The following PTPRM variants were observed in gnomAD, a reference collection of about 807,000 sequenced individuals.
PTPRM encodes protein tyrosine phosphatase receptor type M, also known as receptor-type tyrosine-protein phosphatase mu.
PTPRM carries 47 observed loss-of-function variants against 186.7 expected under a neutral mutation model. That is an observed-to-expected ratio of 0.25 (90% CI 0.20 to 0.32). The LOEUF is 0.32. PTPRM is among the 10% of genes least tolerant of loss of function. The probability of loss-of-function intolerance (pLI) is 1.00; values close to 1 mark genes in which losing one functional copy is unlikely to be tolerated. For synonymous variants in PTPRM, 668 were observed against 674.9 expected (o/e 0.99, Z 0.16); for missense variants, 1,494 against 1,865.0 (o/e 0.80, Z 3.66).
At chr18:8,188,535 G>C (rs113935893) in intron 14 of PTPRM, among the ~76,000 whole-genome samples, 4 of 152,142 alleles carry the variant, frequency 2.6e-5, no homozygotes, top group African/African-American at 9.7e-5. Flanking sequence ...AACGCACATA[G>C]AGCTCAGGCT....
intron 7 of PTPRM, among the ~76,000 whole-genome samples, chr18:8,046,596 C>T (rs1435827181): frequency 2.0e-5 from 3 of 152,116 alleles, no homozygotes; most frequent in African/African-American, 7.2e-5. Context: ...CCCAGCCCCT[C>T]CCCAGGGCCC....
intron 1 of PTPRM, among the ~76,000 whole-genome samples, chr18:7,608,649 G>T (rs534785002): frequency 6.6e-6 from 1 of 151,984 alleles, no homozygotes; most frequent in Non-Finnish European, 1.5e-5. Flanking sequence ...CTTGAGCCTT[G>T]AGCTAAAGGC....
At chr18:7,602,238 T>C (rs2143756653) in intron 1 of PTPRM, among the ~76,000 whole-genome samples, 1 of 152,266 alleles carries the variant, frequency 6.6e-6, no homozygotes, top group East Asian at 1.9e-4. Flanking sequence ...ACTAAGTTGG[T>C]GGTAAGATCT....
At chr18:7,840,526 AT>A (rs1320117554) in intron 2 of PTPRM, among the ~76,000 whole-genome samples, 2 of 152,180 alleles carry the variant, frequency 1.3e-5, no homozygotes, top group Non-Finnish European at 2.9e-5. Context: ...AACTTTCCTG[AT>A]CTGGATTTCT....
rs78799277 is a variant in PTPRM at position 8,114,499 on chromosome 18, C to A, written c.2131-292C>A. Among the ~76,000 whole-genome samples the A allele has an allele frequency of 9.9e-4, 151 of 152,268 alleles. 1 individual carries two copies. Among genetic ancestry groups the A allele is most frequent in the African/African-American group, 3.3e-3 (139 of 41,534 alleles). ...GTTTGCTCAGGGGCAAAGTACAGAT[C>A]TGGTCCTTTACTTTACCTCCTTACT... On this transcript the variant is annotated intron_variant, in intron 12 of 32. Transcript: ENST00000580170.
intron 14 of PTPRM, among the ~76,000 whole-genome samples, chr18:8,182,029 C>A (rs537929659): frequency 6.6e-6 from 1 of 152,154 alleles, no homozygotes; most frequent in South Asian, 2.1e-4. Context: ...GCTTTCAGTT[C>A]TTATTCTAAT....
At chr18:7,899,682 A>G (rs983319294) in intron 3 of PTPRM, among the ~76,000 whole-genome samples, 1 of 152,212 alleles carries the variant, frequency 6.6e-6, no homozygotes, top group Non-Finnish European at 1.5e-5. Flanking sequence ...ATGGTATAAA[A>G]TGAGATCTTA....
At chr18:8,265,212 A>G (rs979009573) in intron 19 of PTPRM, among the ~76,000 whole-genome samples, 4 of 152,240 alleles carry the variant, frequency 2.6e-5, no homozygotes, top group African/African-American at 9.6e-5. Context: ...GATGCTGTCC[A>G]TTAATCTCAC....
intron 19 of PTPRM, among the ~76,000 whole-genome samples, chr18:8,282,662 CA>C (rs1453737710): frequency 6.6e-6 from 1 of 151,890 alleles, no homozygotes; most frequent in South Asian, 2.1e-4. Context: ...AACCCTGTCG[CA>C]AAAAACAACA....
intron 32 of PTPRM, among the ~76,000 whole-genome samples, chr18:8,395,287 T>G (rs954096643): frequency 1.3e-5 from 2 of 152,016 alleles, no homozygotes; most frequent in South Asian, 4.2e-4. Flanking sequence ...GGAAAATGGC[T>G]TGGGGGCAGG....
At chr18:8,125,273 C>G (rs983132852) in intron 13 of PTPRM, among the ~76,000 whole-genome samples, 1 of 151,352 alleles carries the variant, frequency 6.6e-6, no homozygotes, top group Non-Finnish European at 1.5e-5. Flanking sequence ...GCCCAGTTGT[C>G]AGGAGGGTTC....
chr18:8,389,586 C>G (rs1337697648), intron 31 of PTPRM, among the ~76,000 whole-genome samples: 2 of 152,256 alleles, frequency 1.3e-5, no homozygotes, highest in East Asian at 3.8e-4. Flanking sequence ...CTCCCTAAAG[C>G]CCCGCCTCTG....
chr18:7,759,131 T>TA (rs1380052102), intron 1 of PTPRM, among the ~76,000 whole-genome samples: 1 of 152,226 alleles, frequency 6.6e-6, no homozygotes, highest in Admixed American at 6.5e-5. Context: ...AAGCCTCCTC[T>TA]AGGCAAATTT....
In PTPRM at chr18:8,003,704, G is replaced by C. The variant is rs574568350; in HGVS notation, c.1132+48290G>C. Among the ~76,000 whole-genome samples the C allele has an allele frequency of 2.1e-4, 32 of 152,338 alleles. No individual in the cohort carries two copies. In the South Asian group the frequency reaches 6.2e-3, roughly 30 times the overall value. On this transcript the variant is annotated intron_variant, in intron 7 of 32. Coordinates refer to ENST00000580170, the MANE Select transcript of PTPRM (RefSeq NM_001105244.2). ...AGTTAATTACATTATGGACACGAAT[G>C]CTTTTAAGAGATTGTGTATTTCTTT...
chr18:8,355,897 C>T (rs1441081468), intron 23 of PTPRM, among the ~76,000 whole-genome samples: 1 of 152,192 alleles, frequency 6.6e-6, no homozygotes, highest in Non-Finnish European at 1.5e-5. Context: ...GATGCTAAGA[C>T]AGTGAGCTCT....
intron 14 of PTPRM, among the ~76,000 whole-genome samples, chr18:8,188,481 C>T (rs887024811): frequency 6.6e-6 from 1 of 152,150 alleles, no homozygotes; most frequent in Non-Finnish European, 1.5e-5. Flanking sequence ...ACCATGATGT[C>T]CGAGAAAATG....
chr18:7,956,211 C>A (rs1440144972), intron 7 of PTPRM, among the ~76,000 whole-genome samples: 3 of 152,056 alleles, frequency 2.0e-5, no homozygotes, highest in Non-Finnish European at 4.4e-5. Context: ...TGAGGAGATT[C>A]CATAAATTGT....
At chr18:8,329,882 T>A (rs142173393) in intron 22 of PTPRM, among the ~76,000 whole-genome samples, 42 of 152,322 alleles carry the variant, frequency 2.8e-4, no homozygotes, top group African/African-American at 9.9e-4. Context: ...CGCTGTAGCC[T>A]CCAGCTCCTC....
intron 23 of PTPRM, among the ~76,000 whole-genome samples, chr18:8,351,585 C>G (rs73382267): frequency 0.025 from 3,836 of 152,268 alleles, 173 homozygotes; most frequent in African/African-American, 0.085. Context: ...CAGGGACGGC[C>G]TCTCTGTTGT....
Sources: allele counts gnomAD v4.1 joint callset (sites outside exome capture counted in the v4.1 genomes callset), GRCh38; gene constraint gnomAD v4.1.1; transcripts MANE v1.5; gene names NCBI Gene and HGNC (gene_info 2026-07-23, HGNC 2026-07-21).